The following MRPL34 variants were observed in gnomAD, a reference collection of about 807,000 sequenced individuals.
MRPL34 encodes the protein large ribosomal subunit protein bL34m.
MRPL34 carries 8 observed loss-of-function variants against 6.7 expected under a neutral mutation model. The observed-to-expected ratio is 1.20, with a 90% CI of 0.70 to 2.16. The LOEUF (loss-of-function observed/expected upper bound fraction) is 2.16. Ranked by LOEUF, MRPL34 falls within the 30% of genes most tolerant of loss-of-function variation. The probability of loss-of-function intolerance (pLI) is 0.00; values close to 1 mark genes in which losing one functional copy is unlikely to be tolerated. For synonymous variants in MRPL34, 59 were observed against 55.1 expected, an observed-to-expected ratio of 1.07 and a Z score of -0.31; for missense variants, 146 against 125.5, an observed-to-expected ratio of 1.16 and a Z score of -0.78.
upstream of MRPL34, chr19:17,301,201 C>T: frequency 6.2e-7 from 1 of 1,602,316 alleles, no homozygotes; most frequent in South Asian, 1.1e-5. Flanking sequence ...ACTGCCGCTG[C>T]CGCTGCCTGC....
At position 17,294,977 on chromosome 19, in the gene MRPL34, G is replaced by A. The variant is rs190721462; in HGVS notation, c.214+2123G>A. ...TTTACTCTGTCCCCCAGGCTGGAAT[G>A]CAGTGGCTCCATCTTGGCTCACTGC... On this transcript the variant is annotated intron_variant, in intron 1 of 2. Coordinates refer to the MRPL34 transcript ENST00000595444. The A allele has an allele frequency of 1.7e-4, 187 of 1,131,964 alleles. No homozygotes were observed. In the African/African-American group the frequency reaches 2.2e-3, roughly 13 times the overall value. 70.1% of individuals were successfully genotyped at this position (1,131,964 alleles called of 1,614,324 possible).
At chr19:17,295,737 C>T (rs193062408) in intron 1 of MRPL34, among the ~76,000 whole-genome samples, 3 of 152,200 alleles carry the variant, frequency 2.0e-5, no homozygotes, top group African/African-American at 4.8e-5. Context: ...GACAAGGTTT[C>T]GCTGTCGCCT....
upstream of MRPL34, chr19:17,301,086 C>T (rs751789650): frequency 8.7e-6 from 14 of 1,613,486 alleles, no homozygotes; most frequent in Admixed American, 1.8e-4. Flanking sequence ...TGAAAAAGAG[C>T]ACCACGTCGG....
chr19:17,299,257 AT>A (rs1209650719), upstream of MRPL34, among the ~76,000 whole-genome samples: 14 of 135,432 alleles, frequency 1.0e-4, no homozygotes, highest in East Asian at 2.4e-4. Flanking sequence ...TCTCTATATA[AT>A]TTTTTTTTGA....
At chr19:17,301,562 T>TG (rs761619410), upstream of MRPL34, 2 of 1,599,318 alleles carry the variant, frequency 1.3e-6, no homozygotes. Context: ...CCCACGGCGT[T>TG]GGGGGGCGTG....
At chr19:17,294,332 G>A in intron 1 of MRPL34, 8 of 1,611,750 alleles carry the variant, frequency 5.0e-6, no homozygotes, top group Non-Finnish European at 6.8e-6. Context: ...AACTTATCGT[G>A]CATGCCGTGG....
At chr19:17,295,255 G>A (rs1045994626) in intron 1 of MRPL34, among the ~76,000 whole-genome samples, 41 of 150,258 alleles carry the variant, frequency 2.7e-4, no homozygotes, top group South Asian at 8.4e-4. Context: ...ACAGGCGCCC[G>A]CCACCGCGCC....
chr19:17,294,534 C>T, intron 1 of MRPL34: 1 of 1,613,052 alleles, frequency 6.2e-7, no homozygotes, highest in East Asian at 2.2e-5. Context: ...CGCTAGAGCC[C>T]CTTATGCCAG....
In MRPL34 at chr19:17,306,237, G is replaced by A; in HGVS notation, c.137G>A (p.Gly46Asp). The change falls in exon 2 of 2, where the codon GGC becomes GAC. Residue 46 changes from glycine to aspartate, a missense_variant. Transcript: ENST00000252602. Reference protein sequence around the residue: ...WGLPTPQQARGKARGNEYQPS... With the variant: ...WGLPTPQQARDKARGNEYQPS... ...CTCCCCACCCCGCAGCAGGCCCGGG[G>A]CAAGGCTCGCGGGAATGAGTATCAG... 1 of 1,578,404 alleles carries A rather than the reference G, an allele frequency of 6.3e-7. No individual in the cohort carries two copies. Among genetic ancestry groups the A allele is most frequent in the Non-Finnish European group, 8.6e-7 (1 of 1,162,774 alleles).
upstream of MRPL34, among the ~76,000 whole-genome samples, chr19:17,305,423 C>T (rs552233967): frequency 6.6e-6 from 1 of 152,306 alleles, no homozygotes; most frequent in African/African-American, 2.4e-5. Context: ...TCCTCGGCTT[C>T]CTGCCAAGAG....
At chr19:17,295,743 C>T (rs1039634333) in intron 1 of MRPL34, among the ~76,000 whole-genome samples, 3 of 152,096 alleles carry the variant, frequency 2.0e-5, no homozygotes, top group Non-Finnish European at 2.9e-5. Context: ...GTTTCGCTGT[C>T]GCCTAGGCTG....
chr19:17,301,552 C>T (rs1433688298), upstream of MRPL34: 1 of 1,607,128 alleles, frequency 6.2e-7, no homozygotes, highest in South Asian at 1.1e-5. Context: ...CTCCAGTGGC[C>T]CCACGGCGTT....
chr19:17,304,390 C>A (rs1299276438), upstream of MRPL34, among the ~76,000 whole-genome samples: 1 of 152,204 alleles, frequency 6.6e-6, no homozygotes, highest in Non-Finnish European at 1.5e-5. Context: ...GTTTGCTACG[C>A]AGGTAAAGCA....
upstream of MRPL34, among the ~76,000 whole-genome samples, chr19:17,302,432 T>A (rs577961707): frequency 2.6e-5 from 4 of 152,310 alleles, no homozygotes; most frequent in East Asian, 7.7e-4. Flanking sequence ...CTAACTCACA[T>A]ATCCCCAGGG....
In MRPL34 at chr19:17,306,077, G is replaced by A. The variant is rs548091396; in HGVS notation, c.66-89G>A. On this transcript the variant is annotated intron_variant, in intron 1 of 1. Coordinates refer to ENST00000252602, the MANE Select transcript of MRPL34 (RefSeq NM_023937.4). ...CTTGCGCATTTTGCAGCCAGGCTCTGTCTCCGGGAGCCGAGGCTCAGAGAG... is the reference window on the plus strand; with the variant it reads ...CTTGCGCATTTTGCAGCCAGGCTCTATCTCCGGGAGCCGAGGCTCAGAGAG... 1.9e-5 allele frequency: 29 copies of A among 1,517,228 alleles called. No homozygotes were observed. In the South Asian group the frequency reaches 3.2e-4, roughly 17 times the overall value. The allele number at this position is 1,517,228 out of a possible 1,614,324, so 94.0% of individuals were successfully genotyped here.
chr19:17,294,316 G>C (rs199521781), intron 1 of MRPL34: 1 of 1,609,014 alleles, frequency 6.2e-7, no homozygotes, highest in Non-Finnish European at 8.5e-7. Context: ...TTCCTCCACC[G>C]GCACAAACTT....
intron 1 of MRPL34, among the ~76,000 whole-genome samples, chr19:17,297,277 T>C (rs547964414): frequency 6.6e-6 from 1 of 152,166 alleles, no homozygotes; most frequent in East Asian, 1.9e-4. Context: ...GGAACTATTG[T>C]AGGTGGGTGT....
chr19:17,295,489 C>T (rs1226961818), intron 1 of MRPL34, among the ~76,000 whole-genome samples: 2 of 151,888 alleles, frequency 1.3e-5, no homozygotes, highest in Non-Finnish European at 2.9e-5. Context: ...TCACTGCAAC[C>T]TCTGCCTCCT....
chr19:17,293,828 C>A (rs1372214594), intron 1 of MRPL34, among the ~76,000 whole-genome samples: 1 of 151,970 alleles, frequency 6.6e-6, no homozygotes, highest in African/African-American at 2.4e-5. Flanking sequence ...CAAGTTGCAG[C>A]GATTATTGGC....
Sources: gnomAD v4.1 joint callset for allele counts (sites outside exome capture counted in the v4.1 genomes callset) on GRCh38, gnomAD v4.1.1 for gene constraint, MANE v1.5 for transcripts, NCBI Gene and HGNC (gene_info 2026-07-23, HGNC 2026-07-21) for gene names.